Variants in HSD11B2 observed in about 807,000 individuals in gnomAD.
HSD11B2 encodes the protein 11-beta-hydroxysteroid dehydrogenase type 2.
HSD11B2 carries 17 observed loss-of-function variants against 20.9 expected under a neutral mutation model. The observed-to-expected ratio is 0.81, with a 90% CI of 0.56 to 1.22. The LOEUF (loss-of-function observed/expected upper bound fraction) is 1.22, where lower values mean the gene tolerates loss of function less well. Among genes scored for constraint, HSD11B2 ranks in the 50% most tolerant of loss-of-function variants. The pLI, the probability that HSD11B2 is intolerant of heterozygous loss-of-function variation, is 0.00. For missense variants in HSD11B2, 480 were observed against 563.6 expected (o/e 0.85, Z 1.50); for synonymous variants, 253 against 255.4 (o/e 0.99, Z 0.09).
intron 1 of HSD11B2, among the ~76,000 whole-genome samples, chr16:67,435,375 C>T (rs2040962012): frequency 1.3e-5 from 2 of 152,184 alleles, no homozygotes. Context: ...TTAGTTTCCT[C>T]TTCTGTAAGC....
chr16:67,433,512 G>A (rs2040947351), intron 1 of HSD11B2, among the ~76,000 whole-genome samples: 1 of 152,092 alleles, frequency 6.6e-6, no homozygotes. Context: ...AGTGTGTACA[G>A]GTATCTGAGG....
chr16:67,429,823 G>T (rs1342670798), upstream of HSD11B2, among the ~76,000 whole-genome samples: 1 of 152,202 alleles, frequency 6.6e-6, no homozygotes, highest in African/African-American at 2.4e-5. Context: ...GCTCACCAGG[G>T]GGCTGTGTCT....
At chr16:67,432,903 G>A (rs1393195696) in intron 1 of HSD11B2, 1 of 152,246 alleles carries the variant, frequency 6.6e-6, no homozygotes, top group African/African-American at 2.4e-5. Flanking sequence ...ATGAAGTAGG[G>A]GCCAGGTTGT....
At position 67,431,266 on chromosome 16, in the gene HSD11B2, G is replaced by A. The variant is rs1374094545; in HGVS notation, c.18G>A (p.Trp6Ter). ...GGGCCGCCATGGAGCGCTGGCCTTGGCCGTCGGGCGGCGCCTGGCTGCTCG... is the reference window on the plus strand; with the variant it reads ...GGGCCGCCATGGAGCGCTGGCCTTGACCGTCGGGCGGCGCCTGGCTGCTCG... MERWP[W>*]PSGGAWLLVA... is the part of the protein sequence containing the mutation. The change falls in exon 1 of 5, where the codon TGG becomes TGA. Residue 6 changes from tryptophan to a stop codon, truncating the protein, a stop_gained. Transcript: ENST00000326152. LOFTEE classifies it high-confidence loss of function. 1 of 1,262,528 alleles carries A rather than the reference G, an allele frequency of 7.9e-7. No individual in the cohort carries two copies. The highest frequency in any genetic ancestry group is 2.1e-5 in the South Asian group (1 of 46,556). The allele number at this position is 1,262,528 out of a possible 1,614,324, so 78.2% of individuals were successfully genotyped here.
rs397509434 is a variant in HSD11B2, at chr16:67,436,794, CGCT to C, written c.1010_1012del (p.Arg337_Tyr338delinsHis). On this transcript the variant is annotated inframe_deletion, in exon 5 of 5. Transcript: ENST00000326152. This position sits in a 1 kb window ranked among gnomAD's most constrained non-coding sequence, Gnocchi z 5.7. ...GCTGCTGGCAGCTCGGCCCCGCCGCCGCTATTACCCCGGCCAGGGCCTGGGGCT... is the reference window on the plus strand; with the variant it reads ...GCTGCTGGCAGCTCGGCCCCGCCGCCATTACCCCGGCCAGGGCCTGGGGCT... 20 of 1,613,776 alleles carry C rather than the reference CGCT, an allele frequency of 1.2e-5. No individual in the cohort carries two copies. Among genetic ancestry groups the C allele is most frequent in the East Asian group, 2.2e-5 (1 of 44,898 alleles).
chr16:67,437,239 C>A lies in HSD11B2; in HGVS notation c.*236C>A. 1 of 595,904 alleles carries A rather than the reference C, an allele frequency of 1.7e-6. No homozygotes were observed. Among genetic ancestry groups the A allele is most frequent in the Non-Finnish European group, 3.0e-6 (1 of 333,888 alleles). 36.9% of individuals were successfully genotyped at this position (595,904 alleles called of 1,614,324 possible). A position where few individuals can be genotyped will look rare whatever the true frequency, so the allele number is the denominator to read the frequency against. On this transcript the variant is annotated 3_prime_UTR_variant, in exon 5 of 5. Coordinates refer to ENST00000326152, the MANE Select transcript of HSD11B2 (RefSeq NM_000196.4). ...CATGAGCCCAAACACCCTCCTGGCA[C>A]AACGCTCTACCCTGCAGCTTGGAGA...
intron 2 of HSD11B2, 43 bp downstream of exon 2, chr16:67,435,883 T>A (rs745709774): frequency 6.2e-7 from 1 of 1,612,224 alleles, no homozygotes; most frequent in Non-Finnish European, 8.5e-7. Context: ...GGCAGGGGAG[T>A]GGGAAGGACA....
Position 67,436,640 on chromosome 16 carries a change from C to T in HSD11B2, c.855C>T (p.Ala285=). 6.2e-7 allele frequency: 1 copy of T among 1,614,168 alleles called. No homozygotes were observed. Among genetic ancestry groups the T allele is most frequent in the Non-Finnish European group, 8.5e-7 (1 of 1,180,022 alleles). Residue 285 remains alanine (A), a synonymous_variant, in exon 5 of 5, where the codon GCC becomes GCT. Coordinates refer to ENST00000326152, the MANE Select transcript of HSD11B2 (RefSeq NM_000196.4). This position sits in a 1 kb window ranked among gnomAD's most constrained non-coding sequence, Gnocchi z 5.7. ...AAAAGCGCAAGCAATTGCTGCTGGC[C>T]AACCTGCCTCAAGAGCTGCTGCAGG... is the stretch of plus-strand genomic sequence containing the variant. The part of the protein sequence containing the change: ...QWEKRKQLLL[A]NLPQELLQAY...
chr16:67,435,258 C>T (rs1012690667), intron 1 of HSD11B2, among the ~76,000 whole-genome samples: 21 of 151,540 alleles, frequency 1.4e-4, no homozygotes, highest in African/African-American at 4.6e-4. Context: ...TGTGCCTGTG[C>T]CTGTGAGCTG....
Position 67,437,008 on chromosome 16 carries a change from T to C in HSD11B2, c.*5T>C. 6.2e-7 allele frequency: 1 copy of C among 1,605,986 alleles called. No homozygotes were observed. Among genetic ancestry groups the C allele is most frequent in the Non-Finnish European group, 8.5e-7 (1 of 1,179,608 alleles). On this transcript the variant is annotated 3_prime_UTR_variant, in exon 5 of 5. Coordinates refer to ENST00000326152, the MANE Select transcript of HSD11B2 (RefSeq NM_000196.4). Reference sequence around the variant, plus strand: ...TCCCCAGCAGTGGCTCGGTGAGCCATGTGCACCTATGGCCCAGCCACTGCA... The same window carrying C: ...TCCCCAGCAGTGGCTCGGTGAGCCACGTGCACCTATGGCCCAGCCACTGCA...
In HSD11B2 at chr16:67,436,172, G is replaced by T; in HGVS notation, c.664+30G>T. The T allele has an allele frequency of 6.2e-7, 1 of 1,613,698 alleles. No homozygotes were observed. On this transcript the variant is annotated intron_variant, in intron 3 of 4. Transcript: ENST00000326152. The surrounding 1 kb of genome is among the most constrained non-coding windows in gnomAD (Gnocchi z 5.7). Reference sequence around the variant, plus strand: ...GTGCCCCCCCCCACTGGAGCAAAAAGGAGCCCCCTGGGGTGGGGGAGGGCT... The same window carrying T: ...GTGCCCCCCCCCACTGGAGCAAAAATGAGCCCCCTGGGGTGGGGGAGGGCT...
chr16:67,433,473 C>T (rs2040947071), intron 1 of HSD11B2, among the ~76,000 whole-genome samples: 1 of 151,892 alleles, frequency 6.6e-6, no homozygotes, highest in Non-Finnish European at 1.5e-5. Context: ...GGGATTGAGC[C>T]CGTTGTGAGA....
chr16:67,430,036 C>G (rs1233907364), upstream of HSD11B2, among the ~76,000 whole-genome samples: 4 of 152,016 alleles, frequency 2.6e-5, no homozygotes, highest in Non-Finnish European at 5.9e-5. This position sits in a 1 kb window ranked among gnomAD's most constrained non-coding sequence, Gnocchi z 5.4. Flanking sequence ...GCTACACCTA[C>G]TGCTCTCAGC....
In HSD11B2 at chr16:67,435,164, C is replaced by T. The variant is rs915252971; in HGVS notation, c.266-464C>T. On this transcript the variant is annotated intron_variant, in intron 1 of 4. Coordinates refer to ENST00000326152, the MANE Select transcript of HSD11B2 (RefSeq NM_000196.4). ...GTTGCAGTGAGCCAAGATCATGCCA[C>T]TGCACTCCAGCCTGGGCAACAGAGC... 2.7e-5 allele frequency among the ~76,000 whole-genome samples: 4 copies of T among 148,476 alleles called. No individual in the cohort carries two copies. The South Asian group carries it at 6.3e-4, about 24-fold the overall frequency.
In HSD11B2 at chr16:67,436,896, T is replaced by G; in HGVS notation, c.1111T>G (p.Cys371Gly). Residue 371 changes from cysteine to glycine, a missense_variant, in exon 5 of 5, where the codon TGT becomes GGT. By Grantham distance (159) the Cys-to-Gly change is radical. Around this residue, in one of 2 missense-constraint regions of HSD11B2, gnomAD observed 374 missense variants for 480.9 expected, o/e 0.78. Coordinates refer to ENST00000326152, the MANE Select transcript of HSD11B2 (RefSeq NM_000196.4). The surrounding 1 kb of genome is among the most constrained non-coding windows in gnomAD (Gnocchi z 5.7). ...CCTGCAGGCCTTCTTCATCAGTCAC[T>G]GTCTGCCTCGAGCACTGCAGCCTGG... ...RFLQAFFISHCLPRALQPGQP... is the reference protein window; with the variant it reads ...RFLQAFFISHGLPRALQPGQP... 6.2e-7 allele frequency: 1 copy of G among 1,613,350 alleles called. No homozygotes were observed. The highest frequency in any genetic ancestry group is 8.5e-7 in the Non-Finnish European group (1 of 1,180,012).
Position 67,436,091 on chromosome 16 carries a change from C to T in HSD11B2, c.613C>T (p.Pro205Ser), listed in dbSNP as rs1200098826. The change falls in exon 3 of 5, where the codon CCC (proline) becomes TCC (serine). Residue 205 changes from proline to serine, a missense_variant. Around this residue, in one of 2 missense-constraint regions of HSD11B2, gnomAD observed 374 missense variants for 480.9 expected, o/e 0.78. Transcript: ENST00000326152. The surrounding 1 kb of genome is among the most constrained non-coding windows in gnomAD (Gnocchi z 5.7). Reference sequence around the variant, plus strand: ...GCTCGAGCTGACCAAGGGCCTCCTGCCCCTGCTGCGCAGCTCAAGGGGCCG... The same window carrying T: ...GCTCGAGCTGACCAAGGGCCTCCTGTCCCTGCTGCGCAGCTCAAGGGGCCG... ...GALELTKGLL[P>S]LLRSSRGRIV... The T allele has an allele frequency of 6.2e-7, 1 of 1,614,126 alleles. No homozygotes were observed.
intron 1 of HSD11B2, chr16:67,432,604 A>C (rs976282064): frequency 4.6e-5 from 7 of 151,832 alleles, no homozygotes; most frequent in Non-Finnish European, 8.8e-5. Flanking sequence ...GGCTTAAGGC[A>C]GGAGTACACA....
upstream of HSD11B2, among the ~76,000 whole-genome samples, chr16:67,430,455 A>G (rs1043097631): frequency 2.0e-5 from 3 of 152,200 alleles, no homozygotes; most frequent in Non-Finnish European, 2.9e-5. The surrounding 1 kb of genome is among the most constrained non-coding windows in gnomAD (Gnocchi z 5.4). Flanking sequence ...CCTGGAAGGA[A>G]AGGGAAAGAC....
At position 67,436,240 on chromosome 16, in the gene HSD11B2, C is replaced by T. The variant is rs760968125; in HGVS notation, c.665-9C>T. 1.9e-6 allele frequency: 3 copies of T among 1,613,910 alleles called. No homozygotes were observed. In the African/African-American group the frequency reaches 4.0e-5, roughly 22 times the overall value. ...AAGCTGAGCTGCCCCACTCCCAATC[C>T]ATCCGCAGGGGACATGCCATATCCG... On this transcript the variant is annotated splice_polypyrimidine_tract_variant and intron_variant, in intron 3 of 4. Transcript: ENST00000326152. This position sits in a 1 kb window ranked among gnomAD's most constrained non-coding sequence, Gnocchi z 5.7.
Sources: allele counts gnomAD v4.1 joint callset (sites outside exome capture counted in the v4.1 genomes callset), GRCh38; gene constraint gnomAD v4.1.1; regional missense constraint gnomAD v4.1.1; non-coding constraint Gnocchi (gnomAD v3.1); transcripts MANE v1.5; gene names NCBI Gene and HGNC (gene_info 2026-07-23, HGNC 2026-07-21).